The following ANO2 variants were observed in gnomAD, a reference collection of about 807,000 sequenced individuals.
ANO2 encodes anoctamin 2.
In ANO2, 101 loss-of-function variants were observed where a neutral mutation model predicts 124.2. The observed-to-expected ratio is 0.81, with a 90% confidence interval of 0.69 to 0.96. The LOEUF is 0.96. Ranked by LOEUF, ANO2 falls within the 40% of genes least tolerant of loss-of-function variation. ANO2 has a pLI of 0.00. For synonymous variants in ANO2, 486 were observed against 482.5 expected, an observed-to-expected ratio of 1.01 and a Z score of -0.09; for missense variants, 1,293 against 1,274.5, an observed-to-expected ratio of 1.01 and a Z score of -0.22.
intron 3 of ANO2, among the ~76,000 whole-genome samples, chr12:5,863,247 A>T (rs1955327433): frequency 6.6e-6 from 1 of 152,222 alleles, no homozygotes; most frequent in African/African-American, 2.4e-5. Context: ...TGAGCTGCAG[A>T]GGACCCCAAA....
intron 10 of ANO2, among the ~76,000 whole-genome samples, chr12:5,754,925 T>C (rs555440830): frequency 1.3e-5 from 2 of 152,088 alleles, no homozygotes; most frequent in Non-Finnish European, 2.9e-5. Context: ...TCCCCTAATC[T>C]ATATTATTTC....
At chr12:5,909,862 G>A (rs1940942901) in intron 3 of ANO2, among the ~76,000 whole-genome samples, 1 of 152,124 alleles carries the variant, frequency 6.6e-6, no homozygotes, top group South Asian at 2.1e-4. Flanking sequence ...TATGTTCAAG[G>A]GCATGTAGGC....
At chr12:5,917,527 C>A (rs762345229) in intron 3 of ANO2, among the ~76,000 whole-genome samples, 1 of 151,304 alleles carries the variant, frequency 6.6e-6, no homozygotes, top group Admixed American at 6.6e-5. Flanking sequence ...TCATAATAAC[C>A]CAGTGAAGAA....
chr12:5,834,688 A>C (rs1036613156), intron 4 of ANO2, among the ~76,000 whole-genome samples: 1 of 152,228 alleles, frequency 6.6e-6, no homozygotes. Flanking sequence ...TTTAATTTCA[A>C]TTACAAAATT....
intron 14 of ANO2, among the ~76,000 whole-genome samples, chr12:5,703,391 G>T (rs1016684208): frequency 1.3e-5 from 2 of 152,196 alleles, no homozygotes; most frequent in African/African-American, 4.8e-5. Flanking sequence ...GGAAGGGAAG[G>T]AACAGGGTGA....
intron 11 of ANO2, among the ~76,000 whole-genome samples, chr12:5,747,299 A>G (rs1214945740): frequency 6.6e-6 from 1 of 152,240 alleles, no homozygotes; most frequent in African/African-American, 2.4e-5. Flanking sequence ...TTTTAATCAC[A>G]GTTATGAGTG....
At chr12:5,846,233 T>C (rs1180766046) in intron 4 of ANO2, among the ~76,000 whole-genome samples, 1 of 152,188 alleles carries the variant, frequency 6.6e-6, no homozygotes, top group Non-Finnish European at 1.5e-5. Context: ...ACATTGGGTC[T>C]CCTTCCACCA....
intron 7 of ANO2, among the ~76,000 whole-genome samples, chr12:5,822,486 G>C (rs1227013137): frequency 6.6e-6 from 1 of 152,204 alleles, no homozygotes; most frequent in East Asian, 1.9e-4. Context: ...TGGTGGCAGG[G>C]ATGGAGGTTA....
At position 5,807,372 on chromosome 12, in the gene ANO2, C is replaced by T. The variant is rs368776563; in HGVS notation, c.893-4G>A. On this transcript the variant is annotated splice_polypyrimidine_tract_variant and splice_region_variant and intron_variant, in intron 7 of 24. Coordinates refer to ENST00000682330, the MANE Select transcript of ANO2 (RefSeq NM_001364791.2). ...TTTGCGATCAGAGAGTTAATACCTA[C>T]GGAAGAAAGGGAGATGAAAATAGTA... 3.4e-4 allele frequency: 536 copies of T among 1,553,696 alleles called. 3 individuals are homozygous for T. Among genetic ancestry groups the T allele is most frequent in the Middle Eastern group, 1.0e-3 (6 of 5,998 alleles).
chr12:5,799,463 T>A (rs771427825), intron 10 of ANO2, 44 bp downstream of exon 10: 3 of 1,521,622 alleles, frequency 2.0e-6, no homozygotes, highest in African/African-American at 1.4e-5. Context: ...CTTTCAGGAC[T>A]TGCATCTCCA....
chr12:5,874,089 G>C (rs770073457), intron 3 of ANO2, among the ~76,000 whole-genome samples: 6 of 152,240 alleles, frequency 3.9e-5, no homozygotes, highest in Admixed American at 2.6e-4. Context: ...ACCAGACACA[G>C]ACTTTGCCCT....
intron 10 of ANO2, among the ~76,000 whole-genome samples, chr12:5,761,432 T>TA (rs981598006): frequency 1.1e-4 from 16 of 151,480 alleles, no homozygotes; most frequent in African/African-American, 2.7e-4. Flanking sequence ...CAGATATGGG[T>TA]AAAAAAAAAT....
At chr12:5,601,366 T>C (rs1301224444) in intron 19 of ANO2, among the ~76,000 whole-genome samples, 1 of 152,074 alleles carries the variant, frequency 6.6e-6, no homozygotes, top group African/African-American at 2.4e-5. Flanking sequence ...TGAAATTCTT[T>C]AGAATTTCAT....
rs1004961555 is a variant in ANO2, at chr12:5,832,557, G to A, written c.680C>T (p.Ala227Val). Residue 227 changes from alanine to valine, a missense_variant, in exon 5 of 25, where the codon GCG becomes GTG. Physicochemically the swap from Ala to Val is moderately conservative, Grantham distance 64. Coordinates refer to ENST00000682330, the MANE Select transcript of ANO2 (RefSeq NM_001364791.2). The stretch of plus-strand genomic sequence containing the variant: ...GTGCGAGCTCAGCTTCTGCAGAGCC[G>A]CGCTGAACTTCTTTGCAATGCTGCC... Reference protein sequence around the residue: ...AGGSIAKKFSAALQKLSSHLQ... With the variant: ...AGGSIAKKFSVALQKLSSHLQ... 1.7e-5 allele frequency: 28 copies of A among 1,613,776 alleles called. No individual in the cohort carries two copies. Among genetic ancestry groups the A allele is most frequent in the Middle Eastern group, 1.6e-4 (1 of 6,082 alleles).
chr12:5,687,674 A>G lies in ANO2; in HGVS notation c.1546-39873T>C, dbSNP rs973847032. On this transcript the variant is annotated intron_variant, in intron 14 of 24. Transcript: ENST00000682330. ...TTGGAGTGCTGCACAAATACCCAAC[A>G]TCTGTGCATTTCCACAACACCTTTC... is the stretch of plus-strand genomic sequence containing the variant. Among the ~76,000 whole-genome samples the G allele has an allele frequency of 3.9e-5, 6 of 152,182 alleles. 1 individual carries two copies. Among genetic ancestry groups the G allele is most frequent in the Admixed American group, 2.6e-4 (4 of 15,282 alleles).
At chr12:5,652,506 T>G (rs1333749484) in intron 14 of ANO2, among the ~76,000 whole-genome samples, 1 of 152,142 alleles carries the variant, frequency 6.6e-6, no homozygotes, top group Non-Finnish European at 1.5e-5. Flanking sequence ...AATATCCATT[T>G]CCTGTTCCAA....
rs146714656 is a variant in ANO2 at position 5,582,155 on chromosome 12, G to A, written c.2234-3637C>T. Among the ~76,000 whole-genome samples the A allele has an allele frequency of 3.1e-3, 473 of 152,332 alleles. 1 individual carries two copies. Among genetic ancestry groups the A allele is most frequent in the Non-Finnish European group, 4.1e-3 (276 of 68,026 alleles). On this transcript the variant is annotated intron_variant, in intron 20 of 24. Transcript: ENST00000682330. Reference sequence around the variant, plus strand: ...ATAAGAGCAACACCGGAAATCCTCCGTGCGCTGCATAATAGAAGCCAGCTC... The same window carrying A: ...ATAAGAGCAACACCGGAAATCCTCCATGCGCTGCATAATAGAAGCCAGCTC...
chr12:5,638,747 T>C (rs1251259978), intron 15 of ANO2, among the ~76,000 whole-genome samples: 1 of 152,054 alleles, frequency 6.6e-6, no homozygotes, highest in East Asian at 2.0e-4. Flanking sequence ...TCAGCAGCTC[T>C]AGGGGATCTG....
intron 10 of ANO2, among the ~76,000 whole-genome samples, chr12:5,799,224 C>T (rs1163588539): frequency 1.3e-5 from 2 of 152,208 alleles, no homozygotes; most frequent in African/African-American, 4.8e-5. Flanking sequence ...GCTCCATGCA[C>T]CCCTCCCAGA....
Sources: allele counts gnomAD v4.1 joint callset (sites outside exome capture counted in the v4.1 genomes callset), GRCh38; gene constraint gnomAD v4.1.1; transcripts MANE v1.5; gene names NCBI Gene and HGNC (gene_info 2026-07-23, HGNC 2026-07-21).